WWOX: variants seen among roughly 807,000 people sequenced by gnomAD.
The protein encoded by WWOX is WW domain-containing oxidoreductase.
Under a neutral mutation model 46.2 loss-of-function variants are expected in WWOX, and 69 were observed. That is an observed-to-expected ratio of 1.49 (90% CI 1.23 to 1.82). The LOEUF (loss-of-function observed/expected upper bound fraction) is 1.82. Among genes scored for constraint, WWOX ranks in the 40% most tolerant of loss-of-function variants. The probability of loss-of-function intolerance (pLI) is 0.00; values close to 1 mark genes in which losing one functional copy is unlikely to be tolerated. For missense variants in WWOX, 919 were observed against 542.6 expected (o/e 1.69, Z -6.89); for synonymous variants, 359 against 202.6 (o/e 1.77, Z -6.56).
At chr16:78,274,191 C>A (rs2079536684) in intron 5 of WWOX, among the ~76,000 whole-genome samples, 1 of 152,080 alleles carries the variant, frequency 6.6e-6, no homozygotes, top group South Asian at 2.1e-4. Flanking sequence ...CTTCTGATTG[C>A]AATGAACTCC....
At chr16:78,570,376 A>G (rs564007299) in intron 8 of WWOX, among the ~76,000 whole-genome samples, 15 of 152,338 alleles carry the variant, frequency 9.8e-5, no homozygotes, top group Admixed American at 4.6e-4. Flanking sequence ...TGGTGCAATC[A>G]TAACTCACTG....
chr16:78,318,661 G>A (rs2080402862), intron 5 of WWOX, among the ~76,000 whole-genome samples: 1 of 151,976 alleles, frequency 6.6e-6, no homozygotes, highest in Admixed American at 6.6e-5. Flanking sequence ...GGAGTAAGTG[G>A]GATAATAAAT....
chr16:78,130,900 C>T (rs999701460), intron 4 of WWOX, among the ~76,000 whole-genome samples: 7 of 152,184 alleles, frequency 4.6e-5, no homozygotes, highest in African/African-American at 9.7e-5. Context: ...GCAGTGTCAT[C>T]GTTGTGCAAC....
At chr16:79,199,404 C>G (rs542407103) in intron 8 of WWOX, among the ~76,000 whole-genome samples, 7 of 152,246 alleles carry the variant, frequency 4.6e-5, no homozygotes, top group African/African-American at 1.2e-4. Flanking sequence ...AGAATTCCCC[C>G]TAAAGGATCT....
At chr16:78,828,049 G>C (rs2051711871) in intron 8 of WWOX, among the ~76,000 whole-genome samples, 1 of 152,162 alleles carries the variant, frequency 6.6e-6, no homozygotes, top group Non-Finnish European at 1.5e-5. Context: ...TGCAGGCATT[G>C]GCAACTGGGA....
intron 8 of WWOX, among the ~76,000 whole-genome samples, chr16:78,802,675 A>C (rs983760006): frequency 4.6e-5 from 7 of 151,716 alleles, no homozygotes; most frequent in African/African-American, 1.7e-4. Context: ...CAGCACTTTG[A>C]GAGGCCAAGG....
chr16:78,980,085 A>G (rs2046651312), intron 8 of WWOX, among the ~76,000 whole-genome samples: 1 of 152,200 alleles, frequency 6.6e-6, no homozygotes, highest in Non-Finnish European at 1.5e-5. Context: ...CTGAGATTGC[A>G]CCACTGCACT....
intron 8 of WWOX, among the ~76,000 whole-genome samples, chr16:78,588,273 G>T (rs368409631): frequency 6.6e-6 from 1 of 152,202 alleles, no homozygotes; most frequent in Non-Finnish European, 1.5e-5. Context: ...GCAAACAGAA[G>T]GAGACCAGAC....
At chr16:78,786,710 C>A (rs1188729982) in intron 8 of WWOX, among the ~76,000 whole-genome samples, 1 of 152,178 alleles carries the variant, frequency 6.6e-6, no homozygotes, top group Non-Finnish European at 1.5e-5. Context: ...GGCAGTTTGT[C>A]ATATCACTCA....
chr16:78,888,777 G>C (rs2151224849), intron 8 of WWOX, among the ~76,000 whole-genome samples: 1 of 151,890 alleles, frequency 6.6e-6, no homozygotes, highest in African/African-American at 2.4e-5. Context: ...TATGACCTTT[G>C]TCACTGTTGG....
At chr16:78,745,300 G>A (rs766427815) in intron 8 of WWOX, among the ~76,000 whole-genome samples, 34 of 152,080 alleles carry the variant, frequency 2.2e-4, no homozygotes, top group Admixed American at 5.9e-4. Context: ...CATCTTCCCC[G>A]CCTTCCTCCA....
At chr16:78,850,065 T>G (rs925053122) in intron 8 of WWOX, among the ~76,000 whole-genome samples, 3 of 150,990 alleles carry the variant, frequency 2.0e-5, no homozygotes, top group African/African-American at 7.4e-5. Context: ...AGAGCGAAAT[T>G]CCTTCTTAAA....
At chr16:78,746,792 T>C (rs1208488856) in intron 8 of WWOX, among the ~76,000 whole-genome samples, 4 of 152,204 alleles carry the variant, frequency 2.6e-5, no homozygotes, top group African/African-American at 9.6e-5. Context: ...ACCCAGTCAA[T>C]ATCAGGCCAA....
At chr16:78,393,059 A>T (rs563279502) in intron 6 of WWOX, among the ~76,000 whole-genome samples, 4 of 152,182 alleles carry the variant, frequency 2.6e-5, no homozygotes, top group African/African-American at 7.2e-5. Context: ...GTTCCACCCA[A>T]ACTGGCTTGT....
intron 8 of WWOX, among the ~76,000 whole-genome samples, chr16:79,069,739 A>G (rs113264787): frequency 6.6e-6 from 1 of 152,176 alleles, no homozygotes; most frequent in Non-Finnish European, 1.5e-5. Flanking sequence ...TAGATGGCCA[A>G]TGTCTGTGTT....
intron 8 of WWOX, among the ~76,000 whole-genome samples, chr16:79,189,939 G>T (rs559958140): frequency 4.7e-5 from 7 of 150,370 alleles, no homozygotes; most frequent in East Asian, 2.0e-4. Context: ...GGGGAAGGGG[G>T]GGGGGATAAA....
At chr16:78,438,354 GTAATGCCCCTGGCATCCA>G (rs1221787217) in intron 8 of WWOX, among the ~76,000 whole-genome samples, 2 of 152,052 alleles carry the variant, frequency 1.3e-5, no homozygotes, top group Admixed American at 6.6e-5. Context: ...CCAATGCACG[GTAATGCCCCTGGCATCCA>G]TATCTAGTTA....
intron 8 of WWOX, among the ~76,000 whole-genome samples, chr16:78,883,723 CAA>C (rs202124516): frequency 0.014 from 1,721 of 120,050 alleles, 24 homozygotes; most frequent in Middle Eastern, 0.034. Flanking sequence ...GACTCTGTCT[CAA>C]AAAAAAAAAA....
intron 8 of WWOX, among the ~76,000 whole-genome samples, chr16:78,783,408 G>A (rs73575605): frequency 6.6e-6 from 1 of 152,234 alleles, no homozygotes; most frequent in Admixed American, 6.5e-5. Context: ...ACACGACCAA[G>A]AGACAGAAGA....
Sources: allele counts gnomAD v4.1 joint callset (sites outside exome capture counted in the v4.1 genomes callset), GRCh38; gene constraint gnomAD v4.1.1; transcripts MANE v1.5; gene names NCBI Gene and HGNC (gene_info 2026-07-23, HGNC 2026-07-21).